Variants in NALF1 observed in about 807,000 individuals in gnomAD.
NALF1 encodes the protein NALCN channel auxiliary factor 1, also known as family with sequence similarity 155 member A.
In NALF1, 3 loss-of-function variants were observed where a neutral mutation model predicts 48.4. The observed-to-expected ratio is 0.06, with a 90% confidence interval of 0.03 to 0.16. NALF1 has a LOEUF of 0.16. Ranked by LOEUF, NALF1 falls within the 10% of genes least tolerant of loss-of-function variation. The pLI is 1.00. For synonymous variants in NALF1, 262 were observed against 245.7 expected, an observed-to-expected ratio of 1.07 and a Z score of -0.62; for missense variants, 526 against 571.5, an observed-to-expected ratio of 0.92 and a Z score of 0.81.
At chr13:107,840,988 T>C (rs187635078) in intron 1 of NALF1, among the ~76,000 whole-genome samples, 1 of 152,288 alleles carries the variant, frequency 6.6e-6, no homozygotes, top group Non-Finnish European at 1.5e-5. Flanking sequence ...GCATCCTGGC[T>C]TGGAAAATAA....
intron 1 of NALF1, among the ~76,000 whole-genome samples, chr13:107,281,302 T>C (rs933600784): frequency 2.6e-5 from 4 of 152,150 alleles, no homozygotes; most frequent in South Asian, 4.1e-4. Context: ...TGAAATGCCA[T>C]GGGGATTCTT....
At chr13:107,397,271 T>A (rs577912329) in intron 1 of NALF1, among the ~76,000 whole-genome samples, 5 of 152,134 alleles carry the variant, frequency 3.3e-5, no homozygotes, top group African/African-American at 1.2e-4. Context: ...ATTTCCCTTC[T>A]CTCCAGGTCT....
At chr13:107,799,039 C>T (rs748689142) in intron 1 of NALF1, among the ~76,000 whole-genome samples, 3 of 152,098 alleles carry the variant, frequency 2.0e-5, no homozygotes, top group African/African-American at 7.2e-5. Context: ...TCCTGTGACC[C>T]GGAAATTGCA....
chr13:107,365,027 CCCTCCT>C (rs371498365), intron 1 of NALF1, among the ~76,000 whole-genome samples: 31 of 120,594 alleles, frequency 2.6e-4, no homozygotes, highest in African/African-American at 9.1e-4. Flanking sequence ...CTCTCCCCCT[CCCTCCT>C]CCTCCTCCTT....
chr13:107,484,085 T>C (rs1410305508), intron 1 of NALF1, among the ~76,000 whole-genome samples: 1 of 152,114 alleles, frequency 6.6e-6, no homozygotes, highest in Non-Finnish European at 1.5e-5. Flanking sequence ...TCTTGTTCTT[T>C]GTCCACCAGA....
At chr13:107,721,614 CG>C (rs1169409177) in intron 1 of NALF1, among the ~76,000 whole-genome samples, 2 of 152,178 alleles carry the variant, frequency 1.3e-5, no homozygotes, top group Admixed American at 6.5e-5. Flanking sequence ...TCCCCTTTGA[CG>C]GGATTTCCCT....
chr13:107,203,176 T>C (rs9301197), intron 2 of NALF1, among the ~76,000 whole-genome samples: 29,776 of 152,206 alleles, frequency 0.2, 3,479 homozygotes, highest in East Asian at 0.5. Context: ...AGATTTCACC[T>C]GTTCTGGGAA....
chr13:107,340,178 T>C (rs79960753), intron 1 of NALF1, among the ~76,000 whole-genome samples: 1 of 11,458 alleles, frequency 8.7e-5, no homozygotes, highest in East Asian at 4.6e-3. Flanking sequence ...TTACATTCCT[T>C]TTTTTTTTTT....
Position 107,674,980 on chromosome 13 carries a change from T to C in NALF1, c.915+190702A>G, listed in dbSNP as rs769026457. ...ATGAGGAGGCTAAGAAGTAGGTAGA[T>C]GAGGATGTTGTGATAGGATTTGTTA... On this transcript the variant is annotated intron_variant, in intron 1 of 2. Coordinates refer to ENST00000375915, the MANE Select transcript of NALF1 (RefSeq NM_001080396.3). Among the ~76,000 whole-genome samples the C allele has an allele frequency of 3.3e-5, 5 of 152,184 alleles. No homozygotes were observed. In the South Asian group the frequency reaches 6.2e-4, roughly 19 times the overall value.
At chr13:107,773,897 T>C (rs895496123) in intron 1 of NALF1, among the ~76,000 whole-genome samples, 1 of 152,236 alleles carries the variant, frequency 6.6e-6, no homozygotes, top group African/African-American at 2.4e-5. Flanking sequence ...AAAAATAAAA[T>C]GAGTGTCACT....
intron 1 of NALF1, among the ~76,000 whole-genome samples, chr13:107,635,765 C>G (rs143173769): frequency 6.6e-6 from 1 of 152,138 alleles, no homozygotes; most frequent in Non-Finnish European, 1.5e-5. Flanking sequence ...TGTTACTTAA[C>G]GTTAGTTGCA....
intron 1 of NALF1, among the ~76,000 whole-genome samples, chr13:107,695,238 C>T (rs1013998968): frequency 3.9e-5 from 6 of 152,130 alleles, no homozygotes; most frequent in African/African-American, 1.4e-4. Flanking sequence ...CAGAAAAGCA[C>T]CTATCCTATG....
rs941251272 is a variant in NALF1, at chr13:107,164,128, T to C, written c.*6369A>G. On this transcript the variant is annotated 3_prime_UTR_variant, in exon 3 of 3. Coordinates refer to ENST00000375915, the MANE Select transcript of NALF1 (RefSeq NM_001080396.3). ...GGTGAGCTGGGAGTTTTAGGGGAAA[T>C]AGTCACTGAAGAAAGTCTGTATTCA... The C allele has an allele frequency of 3.3e-5, 5 of 152,154 alleles. No homozygotes were observed. Among genetic ancestry groups the C allele is most frequent in the African/African-American group, 1.2e-4 (5 of 41,438 alleles). 9.4% of individuals were successfully genotyped at this position (152,154 alleles called of 1,614,324 possible). A position where few individuals can be genotyped will look rare whatever the true frequency, so the allele number is the denominator to read the frequency against.
At chr13:107,320,550 G>A (rs1882234973) in intron 1 of NALF1, among the ~76,000 whole-genome samples, 1 of 151,954 alleles carries the variant, frequency 6.6e-6, no homozygotes, top group Non-Finnish European at 1.5e-5. Flanking sequence ...ACCTAGAATG[G>A]GTAATAAAAA....
chr13:107,265,668 A>G (rs1045446694), intron 1 of NALF1, among the ~76,000 whole-genome samples: 12 of 151,594 alleles, frequency 7.9e-5, no homozygotes, highest in African/African-American at 2.9e-4. Context: ...GGCCTCCCAA[A>G]GTGCTGGGAT....
chr13:107,442,284 C>T (rs149462763), intron 1 of NALF1, among the ~76,000 whole-genome samples: 28 of 152,262 alleles, frequency 1.8e-4, no homozygotes, highest in African/African-American at 6.3e-4. Flanking sequence ...AGAATTCAGA[C>T]AGTAATTTTG....
chr13:107,380,196 T>G (rs1206878083), intron 1 of NALF1, among the ~76,000 whole-genome samples: 1 of 152,224 alleles, frequency 6.6e-6, no homozygotes, highest in African/African-American at 2.4e-5. Flanking sequence ...TAAATATATC[T>G]ACTAAAACAA....
intron 1 of NALF1, among the ~76,000 whole-genome samples, chr13:107,259,664 C>G (rs1001255477): frequency 1.3e-5 from 2 of 152,152 alleles, no homozygotes; most frequent in African/African-American, 4.8e-5. Context: ...AAATTAGTTG[C>G]AGTTACCTGC....
At chr13:107,275,007 C>T (rs899341050) in intron 1 of NALF1, among the ~76,000 whole-genome samples, 6 of 152,150 alleles carry the variant, frequency 3.9e-5, no homozygotes, top group East Asian at 1.9e-4. Context: ...TGCTCTCCTG[C>T]GGAACCTGGA....
Sources: allele counts gnomAD v4.1 joint callset (sites outside exome capture counted in the v4.1 genomes callset), GRCh38; gene constraint gnomAD v4.1.1; transcripts MANE v1.5; gene names NCBI Gene and HGNC (gene_info 2026-07-23, HGNC 2026-07-21).